The following TRAPPC9 variants were observed in gnomAD, a reference collection of about 807,000 sequenced individuals.
TRAPPC9 encodes the protein IKK2 binding protein.
TRAPPC9 carries 83 observed loss-of-function variants against 124.0 expected under a neutral mutation model. That is an observed-to-expected ratio of 0.67 (90% CI 0.56 to 0.80). The LOEUF (loss-of-function observed/expected upper bound fraction) is 0.80, where lower values mean the gene tolerates loss of function less well. Ranked by LOEUF, TRAPPC9 falls within the 30% of genes least tolerant of loss-of-function variation. The pLI, the probability that TRAPPC9 is intolerant of heterozygous loss-of-function variation, is 0.00. For missense variants in TRAPPC9, 1,302 were observed against 1,508.3 expected (o/e 0.86, Z 2.27); for synonymous variants, 638 against 617.5 (o/e 1.03, Z -0.49).
At chr8:139,981,656 G>T (rs1000818668) in intron 19 of TRAPPC9, among the ~76,000 whole-genome samples, 3 of 152,248 alleles carry the variant, frequency 2.0e-5, no homozygotes, top group South Asian at 4.1e-4. Flanking sequence ...GTTGGGGGCT[G>T]CTCTGACCTG....
intron 16 of TRAPPC9, among the ~76,000 whole-genome samples, chr8:140,242,638 A>G (rs575074386): frequency 2.6e-5 from 4 of 152,382 alleles, no homozygotes; most frequent in African/African-American, 9.6e-5. Flanking sequence ...GGAATTCAAG[A>G]CCGGAAATAG....
intron 21 of TRAPPC9, among the ~76,000 whole-genome samples, chr8:139,875,263 G>A (rs1587065284): frequency 6.6e-6 from 1 of 152,084 alleles, no homozygotes; most frequent in Non-Finnish European, 1.5e-5. Flanking sequence ...GTGGCCCTGG[G>A]GCTGCCACAT....
intron 17 of TRAPPC9, among the ~76,000 whole-genome samples, chr8:140,106,435 CA>C: frequency 6.6e-6 from 1 of 152,350 alleles, no homozygotes; most frequent in South Asian, 2.1e-4. Flanking sequence ...GTTCACACAA[CA>C]TCAGTCACTG....
chr8:140,403,077 T>A (rs1311775600), intron 6 of TRAPPC9, among the ~76,000 whole-genome samples: 1 of 152,190 alleles, frequency 6.6e-6, no homozygotes, highest in Non-Finnish European at 1.5e-5. Context: ...ACTGTTATCA[T>A]CCTCATTTTA....
At chr8:139,930,951 G>A (rs994515212) in intron 19 of TRAPPC9, among the ~76,000 whole-genome samples, 2 of 152,180 alleles carry the variant, frequency 1.3e-5, no homozygotes, top group Non-Finnish European at 2.9e-5. Flanking sequence ...CATAGGTATG[G>A]AAAAAGGCAC....
chr8:140,119,446 C>T (rs991552495), intron 17 of TRAPPC9, among the ~76,000 whole-genome samples: 1 of 152,210 alleles, frequency 6.6e-6, no homozygotes. Flanking sequence ...CCTCACTCCA[C>T]GCCTCACCCC....
chr8:140,285,674 C>G (rs757842149), intron 13 of TRAPPC9, among the ~76,000 whole-genome samples: 1 of 152,016 alleles, frequency 6.6e-6, no homozygotes, highest in Non-Finnish European at 1.5e-5. Flanking sequence ...CCACGTTGTT[C>G]TTTCTGCCTG....
chr8:140,134,542 G>GT (rs59943786), intron 17 of TRAPPC9, among the ~76,000 whole-genome samples: 7,918 of 150,966 alleles, frequency 0.052, 317 homozygotes, highest in African/African-American at 0.11. Flanking sequence ...GGGATTACAT[G>GT]GTTGGCCAGC....
intron 21 of TRAPPC9, among the ~76,000 whole-genome samples, chr8:139,826,828 G>C (rs1413714271): frequency 6.6e-6 from 1 of 152,222 alleles, no homozygotes; most frequent in African/African-American, 2.4e-5. Context: ...TTTCTGCAGA[G>C]AGGTTGGTAC....
At chr8:140,042,807 G>C (rs569915627) in intron 17 of TRAPPC9, among the ~76,000 whole-genome samples, 1 of 152,198 alleles carries the variant, frequency 6.6e-6, no homozygotes, top group Non-Finnish European at 1.5e-5. Flanking sequence ...CTAGTCTGTG[G>C]CCTTTGCTTC....
intron 16 of TRAPPC9, among the ~76,000 whole-genome samples, chr8:140,245,481 G>A (rs1291957653): frequency 6.6e-6 from 1 of 152,084 alleles, no homozygotes; most frequent in Non-Finnish European, 1.5e-5. Context: ...GTGTGTGTGT[G>A]TGTGTGTGTG....
intron 21 of TRAPPC9, among the ~76,000 whole-genome samples, chr8:139,882,490 C>A (rs973626759): frequency 2.8e-4 from 43 of 152,310 alleles, no homozygotes; most frequent in African/African-American, 1.0e-3. Context: ...ACCCTGTCCC[C>A]CTACCTGTTC....
chr8:139,755,044 G>T (rs1378612981), intron 21 of TRAPPC9, among the ~76,000 whole-genome samples: 1 of 152,372 alleles, frequency 6.6e-6, no homozygotes, highest in Admixed American at 6.5e-5. Context: ...CAACAGGACA[G>T]GGGTGATGAG....
chr8:139,990,506 G>A (rs978439939), intron 18 of TRAPPC9, among the ~76,000 whole-genome samples: 2 of 152,130 alleles, frequency 1.3e-5, no homozygotes, highest in Non-Finnish European at 2.9e-5. Context: ...AAAAGGCCAC[G>A]GGGCATCTGT....
chr8:140,112,641 G>A lies in TRAPPC9; in HGVS notation c.2557-88562C>T, dbSNP rs576514861. 5.1e-4 allele frequency among the ~76,000 whole-genome samples: 78 copies of A among 152,288 alleles called. 1 individual carries two copies. The South Asian group carries it at 0.016, about 30-fold the overall frequency. The stretch of plus-strand genomic sequence containing the variant: ...TTTACAGAAGAAACTGCAGGTCAGA[G>A]CCGGTGGGTTCGTCATTATCTCCTA... On this transcript the variant is annotated intron_variant, in intron 17 of 22. Coordinates refer to ENST00000438773, the MANE Select transcript of TRAPPC9 (RefSeq NM_001160372.4).
At chr8:140,079,680 C>T (rs1055304826) in intron 17 of TRAPPC9, among the ~76,000 whole-genome samples, 1 of 152,176 alleles carries the variant, frequency 6.6e-6, no homozygotes, top group Non-Finnish European at 1.5e-5. Flanking sequence ...CCTGCAATCC[C>T]AGCACTTTGG....
intron 21 of TRAPPC9, among the ~76,000 whole-genome samples, chr8:139,743,914 C>T (rs1818718484): frequency 6.6e-6 from 1 of 152,234 alleles, no homozygotes; most frequent in African/African-American, 2.4e-5. Context: ...CTGACCTTTT[C>T]ACTTTGGCTG....
chr8:140,095,761 A>G (rs924312105), intron 17 of TRAPPC9: 1 of 152,310 alleles, frequency 6.6e-6, no homozygotes, highest in African/African-American at 2.4e-5. Flanking sequence ...TGGGGTGCTC[A>G]GCATCAGCCT....
intron 9 of TRAPPC9, among the ~76,000 whole-genome samples, chr8:140,343,512 C>T (rs147822496): frequency 6.6e-6 from 1 of 152,350 alleles, no homozygotes; most frequent in Non-Finnish European, 1.5e-5. Context: ...CGCAGAATTC[C>T]TCTAGGGGTG....
Sources: allele counts gnomAD v4.1 joint callset (sites outside exome capture counted in the v4.1 genomes callset), GRCh38; gene constraint gnomAD v4.1.1; transcripts MANE v1.5; gene names NCBI Gene and HGNC (gene_info 2026-07-23, HGNC 2026-07-21).